COL22A1: variants seen among roughly 807,000 people sequenced by gnomAD.
The protein encoded by COL22A1 is collagen alpha-1(XXII) chain.
A neutral mutation model predicts 248.9 loss-of-function variants in COL22A1; 221 were observed. The ratio of observed to expected loss-of-function variants is 0.89; its 90% CI spans 0.80 to 0.99. The LOEUF is 0.99. Among genes scored for constraint, COL22A1 ranks in the 50% least tolerant of loss-of-function variants. COL22A1 has a pLI of 0.00. For missense variants in COL22A1, 2,240 were observed against 2,179.0 expected (o/e 1.03, Z -0.56); for synonymous variants, 891 against 793.4 (o/e 1.12, Z -2.07).
chr8:138,652,169 C>T (rs2130577209), intron 45 of COL22A1, among the ~76,000 whole-genome samples: 1 of 152,322 alleles, frequency 6.6e-6, no homozygotes, highest in South Asian at 2.1e-4. Flanking sequence ...GCTCAGAGGG[C>T]AATTCACACT....
rs73432826 is a variant in COL22A1 at position 138,649,768 on chromosome 8, T to C, written c.3344A>G (p.Asn1115Ser). The change falls in exon 46 of 65, where the codon AAT (asparagine) becomes AGT (serine). Residue 1115 changes from asparagine to serine, a missense_variant. Transcript: ENST00000303045. Reference protein sequence around the residue: ...DINLLAKDVCNDCPPGPPGLP... With the variant: ...DINLLAKDVCSDCPPGPPGLP... Reference sequence around the variant, plus strand: ...GCCTGGGGGGCCAGGAGGGCAGTCATTGCACACATCCTGAGAGTGGGGAGA... The same window carrying C: ...GCCTGGGGGGCCAGGAGGGCAGTCACTGCACACATCCTGAGAGTGGGGAGA... The C allele has an allele frequency of 1.3e-4, 208 of 1,592,844 alleles. No homozygotes were observed. In the African/African-American group the frequency reaches 2.7e-3, roughly 21 times the overall value.
chr8:138,821,434 C>T, intron 6 of COL22A1, 23 bp from the exon 7 acceptor site: 1 of 1,600,992 alleles, frequency 6.2e-7, no homozygotes, highest in Non-Finnish European at 8.5e-7. Context: ...GGACCAGAGA[C>T]TCCTTGAGCT....
intron 23 of COL22A1, 30 bp downstream of exon 23, chr8:138,737,494 G>A: frequency 2.0e-6 from 3 of 1,524,692 alleles, no homozygotes; most frequent in African/African-American, 2.7e-5. Flanking sequence ...AAGCAGCGTT[G>A]CTATGGAAGA....
intron 64 of COL22A1, among the ~76,000 whole-genome samples, chr8:138,590,423 C>T (rs1587611369): frequency 6.6e-6 from 1 of 152,106 alleles, no homozygotes; most frequent in Non-Finnish European, 1.5e-5. Flanking sequence ...ACAGTTACTT[C>T]CTCCTTTTAA....
In COL22A1 at chr8:138,660,387, AC is replaced by A. The variant is rs775071039; in HGVS notation, c.3285+48del. ...CTGAGTTGCATTTTTTCTCTTGCTT[AC>A]GCCCTGACTGATAGTCAATATTCAT... is the stretch of plus-strand genomic sequence containing the variant. On this transcript the variant is annotated intron_variant, in intron 44 of 64. Coordinates refer to ENST00000303045, the MANE Select transcript of COL22A1 (RefSeq NM_152888.3). 6.4e-5 allele frequency: 99 copies of A among 1,538,938 alleles called. 1 individual carries two copies. In the South Asian group the frequency reaches 1.1e-3, roughly 17 times the overall value.
chr8:138,735,488 G>T (rs533522043), intron 23 of COL22A1, among the ~76,000 whole-genome samples: 1 of 152,132 alleles, frequency 6.6e-6, no homozygotes, highest in Non-Finnish European at 1.5e-5. Context: ...ATGAAAGAAC[G>T]AAATCTCTTT....
At chr8:138,701,109 G>A (rs1357230768) in intron 31 of COL22A1, among the ~76,000 whole-genome samples, 4 of 151,952 alleles carry the variant, frequency 2.6e-5, no homozygotes, top group Non-Finnish European at 5.9e-5. Context: ...TATGACTAAG[G>A]TCATATGGAG....
intron 41 of COL22A1, among the ~76,000 whole-genome samples, chr8:138,676,113 A>G (rs1201492833): frequency 6.6e-6 from 1 of 152,076 alleles, no homozygotes; most frequent in Non-Finnish European, 1.5e-5. Context: ...TGAATTATTC[A>G]TTAGAACTAG....
chr8:138,851,965 G>C (rs1248584766), intron 3 of COL22A1, among the ~76,000 whole-genome samples: 1 of 152,124 alleles, frequency 6.6e-6, no homozygotes, highest in African/African-American at 2.4e-5. Flanking sequence ...GGATGGAAGA[G>C]AGGACAGCAT....
chr8:138,762,536 C>G, intron 16 of COL22A1, 70 bp from the exon 17 acceptor site: 1 of 1,441,794 alleles, frequency 6.9e-7, no homozygotes, highest in Non-Finnish European at 9.7e-7. Context: ...CACACATCCC[C>G]ACAGTGACCG....
chr8:138,656,618 C>T (rs1486615872), intron 44 of COL22A1, among the ~76,000 whole-genome samples: 2 of 151,988 alleles, frequency 1.3e-5, no homozygotes, highest in Admixed American at 1.3e-4. Flanking sequence ...AGGGTGAAGG[C>T]TCAGAAAATA....
intron 60 of COL22A1, 68 bp downstream of exon 60, chr8:138,602,047 C>T: frequency 1.3e-6 from 2 of 1,561,612 alleles, no homozygotes; most frequent in Non-Finnish European, 1.8e-6. Context: ...AGGCCAGGCT[C>T]AACATCCTGT....
chr8:138,606,376 C>T lies in COL22A1; in HGVS notation c.4104+5G>A, dbSNP rs931070691. On this transcript the variant is annotated splice_donor_5th_base_variant and intron_variant, in intron 58 of 64. Coordinates refer to ENST00000303045, the MANE Select transcript of COL22A1 (RefSeq NM_152888.3). ...TCTTGGGCCCCACTGGGGTTCTCTG[C>T]TTACCGGAGGCCCACGGGGACCCAG... The T allele has an allele frequency of 1.2e-6, 2 of 1,611,312 alleles. No individual in the cohort carries two copies. The highest frequency in any genetic ancestry group is 8.5e-7 in the Non-Finnish European group (1 of 1,178,964).
At chr8:138,755,683 T>A (rs1266702925) in intron 19 of COL22A1, 102 bp downstream of exon 19, 3 of 1,407,316 alleles carry the variant, frequency 2.1e-6, no homozygotes, top group Non-Finnish European at 2.0e-6. Flanking sequence ...ATCCAACCCA[T>A]GTCCTTGGAA....
intron 53 of COL22A1, 68 bp downstream of exon 53, chr8:138,619,387 C>T: frequency 6.8e-7 from 1 of 1,459,886 alleles, no homozygotes; most frequent in South Asian, 1.1e-5. Context: ...TAGCCCTGCT[C>T]ACAGTGGTGA....
intron 3 of COL22A1, among the ~76,000 whole-genome samples, chr8:138,877,289 G>C (rs891707466): frequency 6.6e-6 from 1 of 152,204 alleles, no homozygotes; most frequent in African/African-American, 2.4e-5. Context: ...TGCTTCTTGC[G>C]TGATCCCTCA....
chr8:138,777,170 A>G (rs1307859349), intron 15 of COL22A1, among the ~76,000 whole-genome samples: 1 of 152,124 alleles, frequency 6.6e-6, no homozygotes, highest in Admixed American at 6.5e-5. Flanking sequence ...GGGGCATTCT[A>G]TGGAAAAGAT....
chr8:138,814,752 A>G (rs139094372), intron 7 of COL22A1, among the ~76,000 whole-genome samples: 64 of 152,282 alleles, frequency 4.2e-4, no homozygotes, highest in African/African-American at 1.5e-3. Flanking sequence ...CATGGAATCT[A>G]TGAGACAGTA....
At chr8:138,615,492 A>G (rs1327011611) in intron 55 of COL22A1, among the ~76,000 whole-genome samples, 2 of 151,382 alleles carry the variant, frequency 1.3e-5, no homozygotes, top group Non-Finnish European at 2.9e-5. Flanking sequence ...GATCACGCCA[A>G]TGCACTTCAG....
Sources: gnomAD v4.1 joint callset for allele counts (sites outside exome capture counted in the v4.1 genomes callset) on GRCh38, gnomAD v4.1.1 for gene constraint, MANE v1.5 for transcripts, NCBI Gene and HGNC (gene_info 2026-07-23, HGNC 2026-07-21) for gene names.